COL4A5: variants seen among roughly 807,000 people sequenced by gnomAD.
The protein encoded by COL4A5 is collagen type IV alpha 5 chain, also known as collagen alpha-5(IV) chain.
COL4A5 carries 26 observed loss-of-function variants against 130.2 expected under a neutral mutation model. The ratio of observed to expected loss-of-function variants is 0.20; its 90% CI spans 0.15 to 0.28. The LOEUF (loss-of-function observed/expected upper bound fraction) is 0.28. COL4A5 is among the 10% of genes least tolerant of loss of function. The pLI is 1.00. For missense variants in COL4A5, 1,131 were observed against 1,344.3 expected, an observed-to-expected ratio of 0.84 and a Z score of 2.48; for synonymous variants, 496 against 439.6, an observed-to-expected ratio of 1.13 and a Z score of -1.60.
Position 108,685,959 on chromosome X carries a change from TTATG to T in COL4A5, c.4217-70_4217-67del, listed in dbSNP as rs979118473. ...TTGTGAATTCAGTGTCTCGAGAACC[TTATG>T]TCTCCTAGATCTGTCCAGATGTGAA... On this transcript the variant is annotated intron_variant, in intron 47 of 52. Transcript: ENST00000328300. The T allele has an allele frequency of 7.7e-6, 7 of 907,135 alleles. No individual in the cohort carries two copies. In the African/African-American group the frequency reaches 9.8e-5, roughly 13 times the overall value. 74.8% of individuals were successfully genotyped at this position (907,135 alleles called of 1,213,427 possible).
intron 2 of COL4A5, among the ~76,000 whole-genome samples, chrX:108,558,487 CTG>C (rs2065859131): frequency 9.0e-6 from 1 of 111,019 alleles, no homozygotes; most frequent in Admixed American, 9.6e-5. Flanking sequence ...ATGATAAAGG[CTG>C]CGGTTAGAAC....
intron 43 of COL4A5, among the ~76,000 whole-genome samples, chrX:108,676,141 T>A (rs1199996749): frequency 8.9e-6 from 1 of 112,118 alleles, no homozygotes; most frequent in African/African-American, 3.2e-5. Context: ...TATTTTAGGT[T>A]AAAAAGACAA....
chrX:108,608,874 C>G (rs779584887), intron 29 of COL4A5, among the ~76,000 whole-genome samples: 3 of 111,638 alleles, frequency 2.7e-5, no homozygotes, highest in East Asian at 2.8e-4. Context: ...CCTGTTAACT[C>G]CTTATAAATG....
chrX:108,506,380 CTATCTAT>C (rs1357631234), intron 1 of COL4A5, among the ~76,000 whole-genome samples: 18 of 109,599 alleles, frequency 1.6e-4, no homozygotes, highest in Admixed American at 7.9e-4. Flanking sequence ...ATCTATCTAT[CTATCTAT>C]CTACCTACCT....
intron 43 of COL4A5, among the ~76,000 whole-genome samples, chrX:108,676,348 A>T (rs1454183295): frequency 9.0e-6 from 1 of 111,661 alleles, no homozygotes; most frequent in Non-Finnish European, 1.9e-5. Flanking sequence ...TTAAGGCAGG[A>T]TTACTTAGTC....
intron 1 of COL4A5, among the ~76,000 whole-genome samples, chrX:108,485,260 T>G (rs747978621): frequency 8.9e-6 from 1 of 112,223 alleles, no homozygotes; most frequent in Admixed American, 9.4e-5. Flanking sequence ...GGCCTGGAAT[T>G]GAGGACCCCA....
intron 36 of COL4A5, among the ~76,000 whole-genome samples, chrX:108,630,287 A>C (rs193126821): frequency 3.3e-4 from 37 of 111,798 alleles, no homozygotes; most frequent in Middle Eastern, 4.6e-3. Context: ...GTGTAAAAGC[A>C]TTCCTATTTA....
chrX:108,460,214 T>A (rs1161656439), intron 1 of COL4A5, among the ~76,000 whole-genome samples: 1 of 111,998 alleles, frequency 8.9e-6, no homozygotes, highest in African/African-American at 3.2e-5. Flanking sequence ...CAATTTGCCC[T>A]AGCTCTAAGT....
At chrX:108,619,263 C>G (rs2066991387) in intron 30 of COL4A5, among the ~76,000 whole-genome samples, 1 of 111,520 alleles carries the variant, frequency 9.0e-6, no homozygotes, top group Admixed American at 9.6e-5. Context: ...ATCTTACTCT[C>G]TACAAAAATA....
intron 1 of COL4A5, among the ~76,000 whole-genome samples, chrX:108,488,742 G>A (rs2064969429): frequency 9.0e-6 from 1 of 111,695 alleles, no homozygotes; most frequent in Non-Finnish European, 1.9e-5. Flanking sequence ...TATAATGGCT[G>A]GAATGCTGCA....
chrX:108,547,026 G>T (rs1046683973), intron 2 of COL4A5, among the ~76,000 whole-genome samples: 1 of 111,507 alleles, frequency 9.0e-6, no homozygotes, highest in Non-Finnish European at 1.9e-5. Context: ...TTTTTTCAAG[G>T]TTTTTAACTT....
chrX:108,497,379 T>C (rs1270223009), intron 1 of COL4A5, among the ~76,000 whole-genome samples: 1 of 111,966 alleles, frequency 8.9e-6, no homozygotes, highest in Admixed American at 9.5e-5. Context: ...CTTGGGTATA[T>C]ACCTAGAAGT....
chrX:108,635,097 A>G (rs2067329541), intron 36 of COL4A5, among the ~76,000 whole-genome samples: 1 of 111,370 alleles, frequency 9.0e-6, no homozygotes, highest in African/African-American at 3.3e-5. Context: ...CATGATTAAT[A>G]AAGTATACTG....
At chrX:108,547,701 C>T (rs1177902026) in intron 2 of COL4A5, among the ~76,000 whole-genome samples, 1 of 111,993 alleles carries the variant, frequency 8.9e-6, no homozygotes, top group Non-Finnish European at 1.9e-5. Context: ...TGCCCTGCCC[C>T]CAGAGGTGGA....
Position 108,624,241 on chromosome X carries a change from C to T in COL4A5, c.2923C>T (p.Pro975Ser). The T allele has an allele frequency of 1.7e-6, 2 of 1,205,866 alleles. No homozygotes were observed. The highest frequency in any genetic ancestry group is 3.0e-5 in the East Asian group (1 of 33,787). Residue 975 changes from proline (P) to serine (S), a missense_variant, in exon 34 of 53, where the codon CCT becomes TCT. Transcript: ENST00000328300. The stretch of plus-strand genomic sequence containing the variant: ...CTTCTACTCATTCTTGGAAGGTATA[C>T]CTGGAGTTTCAGGGCCAAAAGGTTA... Reference protein sequence around the residue: ...EKGEPGLPGIPGVSGPKGYQG... With the variant: ...EKGEPGLPGISGVSGPKGYQG...
rs749686801 is a variant in COL4A5 at position 108,660,603 on chromosome X, ATTT to A, written c.3374-4901_3374-4899del. ...TTTTCCTGATAATAACACATCAATTATTTTTAATATTTTGCTCCTTTATATTAT... is the reference window on the plus strand; with the variant it reads ...TTTTCCTGATAATAACACATCAATTATTAATATTTTGCTCCTTTATATTAT... On this transcript the variant is annotated intron_variant, in intron 37 of 52. Transcript: ENST00000328300. Among the ~76,000 whole-genome samples, 112 of 111,477 alleles carry A rather than the reference ATTT, an allele frequency of 1.0e-3. 4 individuals are homozygous for A. In the East Asian group the frequency reaches 0.03, roughly 30 times the overall value.
intron 30 of COL4A5, among the ~76,000 whole-genome samples, chrX:108,618,003 ATG>A (rs1230550905): frequency 8.9e-6 from 1 of 111,737 alleles, no homozygotes; most frequent in East Asian, 2.8e-4. Context: ...GGGTGTGTGT[ATG>A]TGTGTGTATG....
chrX:108,473,620 TATATATATA>T (rs1392988428), intron 1 of COL4A5, among the ~76,000 whole-genome samples: 1 of 40,075 alleles, frequency 2.5e-5, no homozygotes, highest in African/African-American at 9.6e-5. Context: ...TATGTATATA[TATATATATA>T]TATATTTTTT....
At position 108,620,655 on chromosome X, in the gene COL4A5, A is replaced by G. The variant is rs181817897; in HGVS notation, c.2677+229A>G. The stretch of plus-strand genomic sequence containing the variant: ...TAACAAACAACCCCAAAACTTAATG[A>G]TTTTAACCAACCTTTTAATTTTGCT... On this transcript the variant is annotated intron_variant, in intron 31 of 52. Coordinates refer to ENST00000328300, the MANE Select transcript of COL4A5 (RefSeq NM_033380.3). Among the ~76,000 whole-genome samples, 116 of 111,769 alleles carry G rather than the reference A, an allele frequency of 1.0e-3. 4 individuals carry two copies. The East Asian group carries it at 0.031, about 30-fold the overall frequency.
Sources: gnomAD v4.1 joint callset for allele counts (sites outside exome capture counted in the v4.1 genomes callset) on GRCh38, gnomAD v4.1.1 for gene constraint, MANE v1.5 for transcripts, NCBI Gene and HGNC (gene_info 2026-07-23, HGNC 2026-07-21) for gene names.